Variants in ETV1 observed in about 807,000 individuals in gnomAD.
ETV1 encodes ETS variant transcription factor 1.
Under a neutral mutation model 62.3 loss-of-function variants are expected in ETV1, and 27 were observed. That is an observed-to-expected ratio of 0.43 (90% confidence interval 0.32 to 0.60). ETV1 has a LOEUF of 0.60. Among genes scored for constraint, ETV1 ranks in the 20% least tolerant of loss-of-function variants. The probability of loss-of-function intolerance (pLI) is 0.06; values close to 1 mark genes in which losing one functional copy is unlikely to be tolerated. For synonymous variants in ETV1, 222 were observed against 199.6 expected (o/e 1.11, Z -0.94); for missense variants, 605 against 605.8 (o/e 1.00, Z 0.01).
intron 6 of ETV1, 70 bp downstream of exon 6, chr7:13,977,357 C>A (rs1781554614): frequency 9.0e-7 from 1 of 1,106,048 alleles, no homozygotes; most frequent in Non-Finnish European, 1.3e-6. Context: ...GAAAACCAAC[C>A]AAAGAGAAAG....
chr7:13,927,694 A>T (rs1035512924), intron 9 of ETV1, among the ~76,000 whole-genome samples: 1 of 152,220 alleles, frequency 6.6e-6, no homozygotes, highest in African/African-American at 2.4e-5. Flanking sequence ...CATGTATGAC[A>T]TATACATATG....
chr7:13,964,508 C>T (rs1790553205), intron 6 of ETV1, among the ~76,000 whole-genome samples: 2 of 152,094 alleles, frequency 1.3e-5, no homozygotes, highest in African/African-American at 4.8e-5. Flanking sequence ...AGATCACGAT[C>T]ATACTTAATG....
chr7:13,960,160 T>C (rs982236899), intron 6 of ETV1, among the ~76,000 whole-genome samples: 2 of 152,102 alleles, frequency 1.3e-5, no homozygotes, highest in Admixed American at 1.3e-4. Flanking sequence ...AATGAATAAT[T>C]ACATCTGTCT....
chr7:13,905,790 A>G (rs1319489041), intron 12 of ETV1, among the ~76,000 whole-genome samples: 9 of 152,100 alleles, frequency 5.9e-5, no homozygotes, highest in Admixed American at 3.3e-4. Flanking sequence ...CAACCTTCCA[A>G]TGGAGTATGC....
chr7:13,956,927 C>T (rs968819414), intron 6 of ETV1, among the ~76,000 whole-genome samples: 9 of 151,734 alleles, frequency 5.9e-5, no homozygotes, highest in Admixed American at 1.3e-4. Flanking sequence ...TGCAAAATGT[C>T]AAAAAAATTA....
intron 6 of ETV1, among the ~76,000 whole-genome samples, chr7:13,972,359 G>C (rs1780994180): frequency 6.6e-6 from 1 of 152,118 alleles, no homozygotes. Flanking sequence ...CTGAACTAAG[G>C]AGGCAGAGTT....
chr7:13,943,805 T>C (rs936088603), intron 6 of ETV1, among the ~76,000 whole-genome samples: 5 of 152,218 alleles, frequency 3.3e-5, no homozygotes, highest in African/African-American at 9.6e-5. Flanking sequence ...TATATACACA[T>C]GTAAAATTCA....
chr7:13,985,629 A>T (rs1384568826), intron 5 of ETV1: 1 of 159,998 alleles, frequency 6.3e-6, no homozygotes, highest in Non-Finnish European at 1.4e-5. Flanking sequence ...TCTGTTCCAA[A>T]ATTTGCATGT....
At chr7:13,913,406 T>C (rs1244503967) in intron 9 of ETV1, among the ~76,000 whole-genome samples, 1 of 152,178 alleles carries the variant, frequency 6.6e-6, no homozygotes, top group Non-Finnish European at 1.5e-5. Flanking sequence ...CATGGGAGTA[T>C]GACATTTTGT....
chr7:13,978,993 A>G (rs1194552026), intron 5 of ETV1, among the ~76,000 whole-genome samples: 4 of 152,100 alleles, frequency 2.6e-5, no homozygotes, highest in South Asian at 4.1e-4. Context: ...AATTTTTTCA[A>G]GTTTTAACTG....
intron 6 of ETV1, among the ~76,000 whole-genome samples, chr7:13,950,867 G>C (rs1237028895): frequency 1.4e-5 from 2 of 147,740 alleles, no homozygotes; most frequent in Non-Finnish European, 3.0e-5. Context: ...AAATCTTCTG[G>C]TTTAGAAATC....
intron 6 of ETV1, among the ~76,000 whole-genome samples, chr7:13,955,835 AT>A (rs147151721): frequency 0.039 from 5,908 of 152,164 alleles, 312 homozygotes; most frequent in African/African-American, 0.12. Context: ...TAAAACACTC[AT>A]TTTTTTCTAC....
rs1259765665 is a variant in ETV1 at position 13,910,501 on chromosome 7, C to G, written c.871+738G>C. Reference sequence around the variant, plus strand: ...TTTAATTTCAAATATTTTACATTTACCATCTCATACTACCCTTTAAAATTC... The same window carrying G: ...TTTAATTTCAAATATTTTACATTTAGCATCTCATACTACCCTTTAAAATTC... On this transcript the variant is annotated intron_variant, in intron 10 of 13. Coordinates refer to ENST00000430479, the MANE Select transcript of ETV1 (RefSeq NM_004956.5). The G allele has an allele frequency of 2.0e-5, 11 of 540,524 alleles. No homozygotes were observed. The Admixed American group carries it at 2.6e-4, about 13-fold the overall frequency. The allele number at this position is 540,524 out of a possible 1,614,324, so 33.5% of individuals were successfully genotyped here.
Position 13,895,658 on chromosome 7 carries a change from A to C in ETV1, c.*208T>G, listed in dbSNP as rs1781697357. The C allele has an allele frequency of 1.8e-6, 1 of 553,634 alleles. No individual in the cohort carries two copies. The highest frequency in any genetic ancestry group is 3.0e-5 in the Admixed American group (1 of 32,922). The allele number at this position is 553,634 out of a possible 1,614,324, so 34.3% of individuals were successfully genotyped here. A position where few individuals can be genotyped will look rare whatever the true frequency, so the allele number is the denominator to read the frequency against. ...CATTAGCTTCCTGTTACACAGAATA[A>C]ATGTTTAGATTACTCCCACCCACCC... On this transcript the variant is annotated 3_prime_UTR_variant, in exon 14 of 14. Coordinates refer to ENST00000430479, the MANE Select transcript of ETV1 (RefSeq NM_004956.5).
chr7:13,913,885 T>A, intron 9 of ETV1, among the ~76,000 whole-genome samples: 1 of 137,070 alleles, frequency 7.3e-6, no homozygotes, highest in Admixed American at 7.3e-5. Flanking sequence ...CCTCTTTTTT[T>A]TTTTTTTTTT....
At chr7:13,928,277 T>G (rs1785662002) in intron 9 of ETV1, among the ~76,000 whole-genome samples, 1 of 152,160 alleles carries the variant, frequency 6.6e-6, no homozygotes, top group Admixed American at 6.5e-5. Flanking sequence ...GTATATACAA[T>G]ATAAATATGA....
chr7:13,902,263 T>A (rs1164978317), intron 12 of ETV1, among the ~76,000 whole-genome samples: 1 of 152,032 alleles, frequency 6.6e-6, no homozygotes, highest in Non-Finnish European at 1.5e-5. Flanking sequence ...TAATAACCTT[T>A]CTCCAGGTTT....
intron 6 of ETV1, among the ~76,000 whole-genome samples, chr7:13,968,563 T>G (rs1780541723): frequency 1.3e-5 from 2 of 151,196 alleles, no homozygotes; most frequent in African/African-American, 4.8e-5. Context: ...ATACTTACAG[T>G]GAGAAAATTA....
At chr7:13,898,385 T>C (rs993391982) in intron 13 of ETV1, among the ~76,000 whole-genome samples, 1 of 152,196 alleles carries the variant, frequency 6.6e-6, no homozygotes, top group Admixed American at 6.5e-5. Context: ...AAGGATAAAT[T>C]AGAAATTATC....
Sources: allele counts gnomAD v4.1 joint callset (sites outside exome capture counted in the v4.1 genomes callset), GRCh38; gene constraint gnomAD v4.1.1; transcripts MANE v1.5; gene names NCBI Gene and HGNC (gene_info 2026-07-23, HGNC 2026-07-21).